The following TGFB2 variants were observed in gnomAD, a reference collection of about 807,000 sequenced individuals.
TGFB2 encodes the protein transforming growth factor beta 2.
Under a neutral mutation model 42.7 loss-of-function variants are expected in TGFB2, and 13 were observed. The observed-to-expected ratio is 0.30, with a 90% CI of 0.20 to 0.48. The LOEUF is 0.48. Among genes scored for constraint, TGFB2 ranks in the 20% least tolerant of loss-of-function variants. The pLI, the probability that TGFB2 is intolerant of heterozygous loss-of-function variation, is 0.99. For missense variants in TGFB2, 390 were observed against 517.5 expected (o/e 0.75, Z 2.39); for synonymous variants, 193 against 193.6 (o/e 1.00, Z 0.03).
chr1:218,408,350 G>C (rs531077653), intron 2 of TGFB2, among the ~76,000 whole-genome samples: 17 of 152,138 alleles, frequency 1.1e-4, no homozygotes, highest in Non-Finnish European at 2.5e-4. Flanking sequence ...CTGAAGCACC[G>C]GCTGCTCCAT....
At chr1:218,380,967 C>A (rs1415875974) in intron 1 of TGFB2, among the ~76,000 whole-genome samples, 1 of 152,170 alleles carries the variant, frequency 6.6e-6, no homozygotes, top group Non-Finnish European at 1.5e-5. Flanking sequence ...ATTATCCCTA[C>A]TTTGTAGATG....
intron 1 of TGFB2, among the ~76,000 whole-genome samples, chr1:218,377,539 A>C (rs1571849810): frequency 6.6e-6 from 1 of 152,230 alleles, no homozygotes; most frequent in East Asian, 1.9e-4. Flanking sequence ...TCCACCCCCA[A>C]ATCAGCACTA....
intron 1 of TGFB2, among the ~76,000 whole-genome samples, chr1:218,347,806 G>T (rs1399489013): frequency 6.6e-6 from 1 of 152,122 alleles, no homozygotes; most frequent in Non-Finnish European, 1.5e-5. Flanking sequence ...ACTCAAACCT[G>T]CCTTCTTCAC....
At chr1:218,419,548 T>C (rs1659388547) in intron 2 of TGFB2, among the ~76,000 whole-genome samples, 1 of 152,236 alleles carries the variant, frequency 6.6e-6, no homozygotes, top group African/African-American at 2.4e-5. Flanking sequence ...CTACTGGAGA[T>C]GTGTCTGGTC....
At chr1:218,399,814 T>G (rs1241848532) in intron 1 of TGFB2, among the ~76,000 whole-genome samples, 1 of 152,040 alleles carries the variant, frequency 6.6e-6, no homozygotes, top group Non-Finnish European at 1.5e-5. Flanking sequence ...TCGGGGGCAT[T>G]CATGAAAGGC....
chr1:218,348,940 T>C (rs541101763), intron 1 of TGFB2, among the ~76,000 whole-genome samples: 1 of 152,196 alleles, frequency 6.6e-6, no homozygotes, highest in Admixed American at 6.5e-5. Context: ...CAAGAGGGCA[T>C]TAGTTCTTTG....
intron 2 of TGFB2, among the ~76,000 whole-genome samples, chr1:218,411,030 A>G (rs1276221348): frequency 6.7e-6 from 1 of 148,628 alleles, no homozygotes; most frequent in Non-Finnish European, 1.5e-5. Context: ...ATGGCCCTAA[A>G]CAATCCTTTG....
At chr1:218,429,057 T>C (rs1046574571) in intron 2 of TGFB2, among the ~76,000 whole-genome samples, 1 of 142,102 alleles carries the variant, frequency 7.0e-6, no homozygotes, top group African/African-American at 2.6e-5. Flanking sequence ...CTCAGCTCAC[T>C]GCAACCTCCG....
rs1656680398 is a variant in TGFB2 at position 218,346,464 on chromosome 1, TG to T, written c.-237del. Reference sequence around the variant, plus strand: ...TACTCGCCAAAGTCAGGGTTCCCTCTGCCCGTCCCGTATTAATATTTCCACT... The same window carrying T: ...TACTCGCCAAAGTCAGGGTTCCCTCTCCCGTCCCGTATTAATATTTCCACT... On this transcript the variant is annotated 5_prime_UTR_variant, in exon 1 of 7. Transcript: ENST00000366930. This position sits in a 1 kb window ranked among gnomAD's most constrained non-coding sequence, Gnocchi z 4.9. 2.2e-6 allele frequency: 1 copy of T among 448,362 alleles called. No homozygotes were observed. The highest frequency in any genetic ancestry group is 4.1e-5 in the South Asian group (1 of 24,190). 27.8% of individuals were successfully genotyped at this position (448,362 alleles called of 1,614,324 possible).
At chr1:218,381,832 G>T (rs570309415) in intron 1 of TGFB2, among the ~76,000 whole-genome samples, 1 of 151,480 alleles carries the variant, frequency 6.6e-6, no homozygotes, top group African/African-American at 2.4e-5. Flanking sequence ...TGTGTGTAGG[G>T]GTGTGTGTGT....
intron 6 of TGFB2, among the ~76,000 whole-genome samples, chr1:218,437,862 T>G (rs1283426223): frequency 6.6e-6 from 1 of 152,216 alleles, no homozygotes; most frequent in African/African-American, 2.4e-5. Flanking sequence ...TATTGATACA[T>G]AATTGCATAT....
intron 2 of TGFB2, among the ~76,000 whole-genome samples, chr1:218,428,037 G>A (rs1362388360): frequency 1.3e-5 from 2 of 152,184 alleles, no homozygotes; most frequent in Non-Finnish European, 2.9e-5. Flanking sequence ...TAACTGGTGT[G>A]AGATGGTATC....
chr1:218,406,127 A>G (rs1658902294), intron 2 of TGFB2, among the ~76,000 whole-genome samples: 1 of 149,890 alleles, frequency 6.7e-6, no homozygotes, highest in Admixed American at 6.7e-5. Flanking sequence ...CCTTCTCTTT[A>G]TTAACTTTAT....
intron 1 of TGFB2, among the ~76,000 whole-genome samples, chr1:218,389,857 G>A (rs1658264107): frequency 6.6e-6 from 1 of 152,162 alleles, no homozygotes; most frequent in Non-Finnish European, 1.5e-5. Flanking sequence ...TGTAATATGT[G>A]AGAAATAAAC....
At chr1:218,388,688 CT>C (rs1658217427) in intron 1 of TGFB2, among the ~76,000 whole-genome samples, 1 of 152,206 alleles carries the variant, frequency 6.6e-6, no homozygotes, top group African/African-American at 2.4e-5. Context: ...ACACTAATAA[CT>C]TTCTCCATCC....
intron 5 of TGFB2, among the ~76,000 whole-genome samples, chr1:218,436,649 C>T (rs1312097548): frequency 6.6e-6 from 1 of 152,184 alleles, no homozygotes; most frequent in Non-Finnish European, 1.5e-5. Flanking sequence ...CCCATTCCCA[C>T]ATGAGTGCAT....
At chr1:218,350,628 A>T (rs1029796461) in intron 1 of TGFB2, among the ~76,000 whole-genome samples, 2 of 152,188 alleles carry the variant, frequency 1.3e-5, no homozygotes, top group Non-Finnish European at 2.9e-5. Flanking sequence ...ATAGGAGGAT[A>T]GTCAGACAGT....
At chr1:218,417,024 G>A (rs966253697) in intron 2 of TGFB2, among the ~76,000 whole-genome samples, 4 of 152,330 alleles carry the variant, frequency 2.6e-5, no homozygotes, top group Non-Finnish European at 5.9e-5. Context: ...TCTTGCAGCA[G>A]TGCGAAAATG....
intron 1 of TGFB2, among the ~76,000 whole-genome samples, chr1:218,348,898 T>A (rs555692267): frequency 2.6e-5 from 4 of 152,330 alleles, no homozygotes; most frequent in African/African-American, 9.6e-5. Flanking sequence ...CTGATCCCAT[T>A]TACTGAATAG....
Sources: gnomAD v4.1 joint callset for allele counts (sites outside exome capture counted in the v4.1 genomes callset) on GRCh38, gnomAD v4.1.1 for gene constraint, Gnocchi (gnomAD v3.1) non-coding constraint, MANE v1.5 for transcripts, NCBI Gene and HGNC (gene_info 2026-07-23, HGNC 2026-07-21) for gene names.